Variants in ANTXR2 observed in about 807,000 individuals in gnomAD.
ANTXR2 encodes anthrax toxin receptor 2.
In ANTXR2, 44 loss-of-function variants were observed where a neutral mutation model predicts 73.7. The observed-to-expected ratio is 0.60, with a 90% confidence interval of 0.47 to 0.77. The LOEUF (loss-of-function observed/expected upper bound fraction) is 0.77, where lower values mean the gene tolerates loss of function less well. Ranked by LOEUF, ANTXR2 falls within the 30% of genes least tolerant of loss-of-function variation. The probability of loss-of-function intolerance (pLI) is 0.00; values close to 1 mark genes in which losing one functional copy is unlikely to be tolerated. For synonymous variants in ANTXR2, 217 were observed against 205.9 expected (o/e 1.05, Z -0.46); for missense variants, 604 against 592.5 (o/e 1.02, Z -0.20).
intron 16 of ANTXR2, among the ~76,000 whole-genome samples, chr4:79,923,394 C>A (rs571353969): frequency 1.3e-5 from 2 of 152,156 alleles, no homozygotes; most frequent in East Asian, 3.9e-4. Flanking sequence ...CATGAATATT[C>A]AAGTAGGCCT....
chr4:79,988,647 G>T (rs1454163336), intron 12 of ANTXR2, among the ~76,000 whole-genome samples: 1 of 151,924 alleles, frequency 6.6e-6, no homozygotes, highest in African/African-American at 2.4e-5. Context: ...TAACCAAATG[G>T]ACCTAACAGA....
At chr4:80,007,756 A>T (rs893661211) in intron 12 of ANTXR2, among the ~76,000 whole-genome samples, 2 of 152,172 alleles carry the variant, frequency 1.3e-5, no homozygotes, top group African/African-American at 4.8e-5. Context: ...AGCCTTTAGA[A>T]GCTGGAAAAG....
At chr4:79,911,487 T>C (rs1335230541) in intron 16 of ANTXR2, among the ~76,000 whole-genome samples, 2 of 151,880 alleles carry the variant, frequency 1.3e-5, no homozygotes, top group Admixed American at 6.6e-5. Context: ...ATATTTATTA[T>C]AATTTTAATA....
chr4:79,912,418 C>A (rs1298176258), intron 16 of ANTXR2, among the ~76,000 whole-genome samples: 3 of 151,790 alleles, frequency 2.0e-5, no homozygotes, highest in African/African-American at 7.2e-5. Context: ...AAATTATGAT[C>A]TTTTTATGGA....
intron 16 of ANTXR2, among the ~76,000 whole-genome samples, chr4:79,937,441 A>C (rs1320814660): frequency 1.3e-5 from 2 of 152,190 alleles, no homozygotes; most frequent in Admixed American, 1.3e-4. Context: ...ACATACTCAC[A>C]GAAAGCTTTT....
intron 10 of ANTXR2, among the ~76,000 whole-genome samples, chr4:80,022,325 A>C (rs972519142): frequency 6.6e-6 from 1 of 152,194 alleles, no homozygotes; most frequent in African/African-American, 2.4e-5. Flanking sequence ...ATTCTGTGAA[A>C]ATTTTTCAGA....
intron 6 of ANTXR2, among the ~76,000 whole-genome samples, 196 bp downstream of exon 6, chr4:80,054,954 A>G (rs1311609480): frequency 1.3e-5 from 2 of 151,806 alleles, no homozygotes; most frequent in African/African-American, 4.8e-5. Flanking sequence ...GAGAGATTTA[A>G]AGTTTCATTT....
intron 7 of ANTXR2, among the ~76,000 whole-genome samples, chr4:80,048,500 G>C (rs1733626109): frequency 6.6e-6 from 1 of 151,552 alleles, no homozygotes; most frequent in South Asian, 2.1e-4. Flanking sequence ...TACCATTTTT[G>C]TTTCTCCTAT....
At chr4:80,045,149 C>A (rs1395808126) in intron 7 of ANTXR2, among the ~76,000 whole-genome samples, 1 of 148,394 alleles carries the variant, frequency 6.7e-6, no homozygotes, top group African/African-American at 2.6e-5. Context: ...ACAAAAACAA[C>A]ATGAAGAGAA....
chr4:79,937,969 G>A (rs1459038873), intron 16 of ANTXR2, among the ~76,000 whole-genome samples: 4 of 119,836 alleles, frequency 3.3e-5, no homozygotes, highest in African/African-American at 9.7e-5. Context: ...GGTGACGGTC[G>A]CACCTGGAAA....
chr4:79,991,018 T>C (rs1416538513), intron 12 of ANTXR2, among the ~76,000 whole-genome samples: 1 of 152,046 alleles, frequency 6.6e-6, no homozygotes, highest in East Asian at 1.9e-4. Context: ...ACCTGGGAAA[T>C]ACCATTTTGG....
chr4:80,048,825 C>G (rs1220458169), intron 7 of ANTXR2, among the ~76,000 whole-genome samples: 2 of 151,556 alleles, frequency 1.3e-5, no homozygotes, highest in Non-Finnish European at 3.0e-5. Context: ...GAAAAAAATT[C>G]CACTCCAAAA....
Position 79,990,391 on chromosome 4 carries a change from A to AAAAC in ANTXR2, c.1042-5529_1042-5528insGTTT, listed in dbSNP as rs1553930806. Among the ~76,000 whole-genome samples the AAAAC allele has an allele frequency of 6.6e-5, 10 of 150,688 alleles. No homozygotes were observed. In the East Asian group the frequency reaches 1.7e-3, roughly 26 times the overall value. On this transcript the variant is annotated intron_variant, in intron 12 of 16. Coordinates refer to ENST00000403729, the MANE Select transcript of ANTXR2 (RefSeq NM_058172.6). ...TTCAATAACAACAGTTACAAAAAAA[A>AAAAC]AAAAAAAAAAACACCTTGTAATACA...
chr4:80,069,579 A>AG, intron 2 of ANTXR2, 72 bp from the exon 3 acceptor site: 1 of 1,214,516 alleles, frequency 8.2e-7, no homozygotes, highest in Non-Finnish European at 1.2e-6. Flanking sequence ...ATGTATAGTT[A>AG]GGGAGGTTCA....
chr4:79,910,804 A>G (rs1727103901), intron 16 of ANTXR2, among the ~76,000 whole-genome samples: 1 of 152,168 alleles, frequency 6.6e-6, no homozygotes, highest in Admixed American at 6.5e-5. Context: ...AAAGGAGAGA[A>G]GAAAATACGG....
Position 80,064,956 on chromosome 4 carries a change from A to G in ANTXR2, c.296+4480T>C, listed in dbSNP as rs1430478429. On this transcript the variant is annotated intron_variant, in intron 3 of 16. Transcript: ENST00000403729. ...TAACTTTAAAAGATTATTGTAGCCA[A>G]TATACTGCTTGCAACTTGTTAACTG... 1.2e-4 allele frequency among the ~76,000 whole-genome samples: 18 copies of G among 152,346 alleles called. No homozygotes were observed. In the East Asian group the frequency reaches 2.3e-3, roughly 20 times the overall value.
chr4:80,060,772 G>C (rs1208131274), intron 3 of ANTXR2, among the ~76,000 whole-genome samples: 1 of 152,156 alleles, frequency 6.6e-6, no homozygotes, highest in African/African-American at 2.4e-5. Context: ...GGCACTACCT[G>C]TTGTTTCAGT....
At chr4:79,925,993 A>T (rs969888121) in intron 16 of ANTXR2, among the ~76,000 whole-genome samples, 6 of 152,078 alleles carry the variant, frequency 3.9e-5, no homozygotes, top group Non-Finnish European at 5.9e-5. Flanking sequence ...ATCTACCATC[A>T]ATGAGTGTAT....
chr4:80,027,913 C>G (rs762473999), intron 10 of ANTXR2, among the ~76,000 whole-genome samples: 1 of 152,030 alleles, frequency 6.6e-6, no homozygotes. Flanking sequence ...TAGGGAACAT[C>G]CAAAGAACAT....
Sources: gnomAD v4.1 joint callset for allele counts (sites outside exome capture counted in the v4.1 genomes callset) on GRCh38, gnomAD v4.1.1 for gene constraint, MANE v1.5 for transcripts, NCBI Gene and HGNC (gene_info 2026-07-23, HGNC 2026-07-21) for gene names.